UTRN: variants seen among roughly 807,000 people sequenced by gnomAD.
UTRN encodes the protein dystrophin-related protein 1.
UTRN carries 283 observed loss-of-function variants against 463.9 expected under a neutral mutation model. The observed-to-expected ratio is 0.61, with a 90% confidence interval of 0.55 to 0.67. UTRN has a LOEUF of 0.67. Ranked by LOEUF, UTRN falls within the 30% of genes least tolerant of loss-of-function variation. The pLI, the probability that UTRN is intolerant of heterozygous loss-of-function variation, is 0.00. For missense variants in UTRN, 3,922 were observed against 4,084.3 expected, an observed-to-expected ratio of 0.96 and a Z score of 1.08; for synonymous variants, 1,442 against 1,431.5, an observed-to-expected ratio of 1.01 and a Z score of -0.17.
intron 39 of UTRN, among the ~76,000 whole-genome samples, chr6:144,518,159 C>G (rs143429726): frequency 2.0e-3 from 307 of 152,320 alleles, no homozygotes; most frequent in African/African-American, 7.0e-3. Flanking sequence ...ATGATTTTCT[C>G]CCATGATATT....
chr6:144,676,925 G>A (rs911077436), intron 51 of UTRN, among the ~76,000 whole-genome samples: 4 of 152,128 alleles, frequency 2.6e-5, no homozygotes, highest in African/African-American at 4.8e-5. Context: ...ATGTGAAAAC[G>A]GGAGAGTAAG....
chr6:144,451,559 G>C (rs898172299), intron 18 of UTRN, 66 bp downstream of exon 18: 30 of 1,506,332 alleles, frequency 2.0e-5, no homozygotes, highest in Admixed American at 8.4e-5. Context: ...TTTTCTGCTG[G>C]CATAAAGACA....
chr6:144,786,573 C>T (rs896593629), intron 61 of UTRN, among the ~76,000 whole-genome samples: 16 of 152,096 alleles, frequency 1.1e-4, no homozygotes, highest in African/African-American at 3.1e-4. Flanking sequence ...CGTGAGCCAC[C>T]GCGCCGGGCC....
At chr6:144,439,678 T>C (rs1312287773) in intron 12 of UTRN, among the ~76,000 whole-genome samples, 2 of 152,016 alleles carry the variant, frequency 1.3e-5, no homozygotes, top group African/African-American at 4.8e-5. Flanking sequence ...ATTTTTTGTA[T>C]TTTTAGTAAA....
chr6:144,453,650 TGA>T, intron 18 of UTRN, 130 bp from the exon 19 acceptor site: 1 of 654,496 alleles, frequency 1.5e-6, no homozygotes, highest in Non-Finnish European at 2.5e-6. Context: ...TTAGTTGCTA[TGA>T]TTACGTTTGA....
intron 51 of UTRN, among the ~76,000 whole-genome samples, chr6:144,604,182 A>T (rs1804571316): frequency 6.6e-6 from 1 of 152,182 alleles, no homozygotes; most frequent in Admixed American, 6.5e-5. Flanking sequence ...ATGCATGGCC[A>T]TGTCTTACCC....
intron 59 of UTRN, among the ~76,000 whole-genome samples, chr6:144,772,593 A>G (rs1474719825): frequency 6.6e-6 from 1 of 152,198 alleles, no homozygotes; most frequent in Non-Finnish European, 1.5e-5. Flanking sequence ...AAAAATATAT[A>G]TAGATATACA....
At chr6:144,554,930 T>C in intron 49 of UTRN, 37 bp downstream of exon 49, 1 of 1,605,312 alleles carries the variant, frequency 6.2e-7, no homozygotes, top group Non-Finnish European at 8.5e-7. Flanking sequence ...AGTATTGTTT[T>C]GTTGGATATA....
At chr6:144,467,395 G>T (rs78031955) in intron 23 of UTRN, among the ~76,000 whole-genome samples, 6,419 of 152,218 alleles carry the variant, frequency 0.042, 161 homozygotes, top group Middle Eastern at 0.082. Flanking sequence ...CTCTTCCCAC[G>T]AGGCATGAGC....
At chr6:144,704,054 AC>A (rs1784842301) in intron 53 of UTRN, among the ~76,000 whole-genome samples, 1 of 152,218 alleles carries the variant, frequency 6.6e-6, no homozygotes, top group South Asian at 2.1e-4. Flanking sequence ...AATCCATTGC[AC>A]AAGTGGAGCA....
At chr6:144,481,621 C>A (rs1435533764) in intron 26 of UTRN, among the ~76,000 whole-genome samples, 1 of 152,160 alleles carries the variant, frequency 6.6e-6, no homozygotes, top group Non-Finnish European at 1.5e-5. Context: ...GATCTTGGAC[C>A]CAGACTTTGA....
At chr6:144,698,091 T>C (rs1038621258) in intron 52 of UTRN, among the ~76,000 whole-genome samples, 1 of 152,196 alleles carries the variant, frequency 6.6e-6, no homozygotes, top group African/African-American at 2.4e-5. Flanking sequence ...TTGCAGTAGC[T>C]CAGTCAAATT....
chr6:144,343,813 A>G (rs1777335439), intron 2 of UTRN, among the ~76,000 whole-genome samples: 1 of 152,136 alleles, frequency 6.6e-6, no homozygotes, highest in African/African-American at 2.4e-5. Flanking sequence ...CCAGTTGTAT[A>G]CCCAGGGCAA....
At chr6:144,778,388 G>T (rs1176841158) in intron 60 of UTRN, among the ~76,000 whole-genome samples, 1 of 152,094 alleles carries the variant, frequency 6.6e-6, no homozygotes, top group African/African-American at 2.4e-5. Context: ...TCCTGAAAGA[G>T]AATTATATAG....
intron 71 of UTRN, among the ~76,000 whole-genome samples, chr6:144,836,888 G>A (rs776143648): frequency 2.0e-5 from 3 of 152,002 alleles, no homozygotes; most frequent in Admixed American, 6.6e-5. Context: ...ACCTGAAATC[G>A]GCATTCTAAA....
intron 51 of UTRN, among the ~76,000 whole-genome samples, chr6:144,584,130 T>C (rs774484636): frequency 2.8e-4 from 43 of 152,202 alleles, no homozygotes; most frequent in Admixed American, 7.2e-4. Flanking sequence ...CCATATATTA[T>C]AGTTACACTT....
At chr6:144,789,101 G>T in intron 61 of UTRN, 93 bp from the exon 62 acceptor site, 2 of 1,006,416 alleles carry the variant, frequency 2.0e-6, no homozygotes, top group Non-Finnish European at 2.9e-6. Flanking sequence ...ATTTTTGATG[G>T]TTTACCCCCA....
chr6:144,591,313 GA>G (rs1250978252), intron 51 of UTRN, among the ~76,000 whole-genome samples: 1 of 152,146 alleles, frequency 6.6e-6, no homozygotes, highest in Non-Finnish European at 1.5e-5. Context: ...ATAAATCTTT[GA>G]AATTTTCCCT....
chr6:144,852,998 G>A lies in UTRN; in HGVS notation c.*2001G>A, dbSNP rs891261876. ...CTATCATCTAATCTGGTTACATATT[G>A]TATTTTTCATCCTGAATAAAAGTAA... On this transcript the variant is annotated 3_prime_UTR_variant, in exon 75 of 75. Coordinates refer to ENST00000367545, the MANE Select transcript of UTRN (RefSeq NM_007124.3). 15 of 152,232 alleles carry A rather than the reference G, an allele frequency of 9.9e-5. No individual in the cohort carries two copies. The highest frequency in any genetic ancestry group is 2.1e-4 in the Non-Finnish European group (14 of 68,026). 9.4% of individuals were successfully genotyped at this position (152,232 alleles called of 1,614,324 possible). A position where few individuals can be genotyped will look rare whatever the true frequency, so the allele number is the denominator to read the frequency against.
Sources: allele counts gnomAD v4.1 joint callset (sites outside exome capture counted in the v4.1 genomes callset), GRCh38; gene constraint gnomAD v4.1.1; transcripts MANE v1.5; gene names NCBI Gene and HGNC (gene_info 2026-07-23, HGNC 2026-07-21).